The following SMAP1 variants were observed in gnomAD, a reference collection of about 807,000 sequenced individuals.
SMAP1 encodes the protein small ArfGAP 1, also known as stromal membrane-associated protein 1.
Under a neutral mutation model 58.5 loss-of-function variants are expected in SMAP1, and 24 were observed. The ratio of observed to expected loss-of-function variants is 0.41; its 90% CI spans 0.30 to 0.58. SMAP1 has a LOEUF of 0.58. Ranked by LOEUF, SMAP1 falls within the 20% of genes least tolerant of loss-of-function variation. The pLI, the probability that SMAP1 is intolerant of heterozygous loss-of-function variation, is 0.29. For missense variants in SMAP1, 563 were observed against 566.3 expected (o/e 0.99, Z 0.06); for synonymous variants, 216 against 196.6 (o/e 1.10, Z -0.82).
At chr6:70,683,022 G>C (rs1198029260) in intron 1 of SMAP1, among the ~76,000 whole-genome samples, 1 of 152,066 alleles carries the variant, frequency 6.6e-6, no homozygotes, top group Non-Finnish European at 1.5e-5. Context: ...TGGCGACAGA[G>C]TGAGACTCCA....
chr6:70,785,788 T>G (rs962779957), intron 4 of SMAP1, among the ~76,000 whole-genome samples: 3 of 152,138 alleles, frequency 2.0e-5, no homozygotes, highest in Non-Finnish European at 2.9e-5. Context: ...AATAACAGGC[T>G]CTGAAATTGT....
intron 5 of SMAP1, among the ~76,000 whole-genome samples, chr6:70,795,741 CT>C (rs756434039): frequency 1.7e-3 from 245 of 144,330 alleles, no homozygotes; most frequent in Non-Finnish European, 1.5e-3. Context: ...TTTTCTTTTT[CT>C]TTTTTTTTTT....
intron 3 of SMAP1, among the ~76,000 whole-genome samples, chr6:70,758,156 G>A (rs960951924): frequency 6.6e-6 from 1 of 150,436 alleles, no homozygotes; most frequent in South Asian, 2.1e-4. Flanking sequence ...TTAAGAAAAT[G>A]TGGCACATAT....
intron 2 of SMAP1, among the ~76,000 whole-genome samples, chr6:70,746,953 A>C (rs960486994): frequency 6.6e-6 from 1 of 152,220 alleles, no homozygotes; most frequent in Non-Finnish European, 1.5e-5. Context: ...CCTATAGAGT[A>C]CAGGAAGTTG....
chr6:70,724,148 T>G (rs192037642), intron 1 of SMAP1, among the ~76,000 whole-genome samples: 25 of 151,396 alleles, frequency 1.7e-4, no homozygotes, highest in Middle Eastern at 6.8e-3. Flanking sequence ...AGGTTTTTTT[T>G]TTGTTGTTGT....
At chr6:70,717,175 G>A (rs1004839102) in intron 1 of SMAP1, among the ~76,000 whole-genome samples, 1 of 152,216 alleles carries the variant, frequency 6.6e-6, no homozygotes, top group Admixed American at 6.5e-5. Context: ...TGGTGTGTTA[G>A]AAGTGTGTTG....
intron 6 of SMAP1, among the ~76,000 whole-genome samples, chr6:70,808,934 G>C (rs1769268108): frequency 6.7e-6 from 1 of 148,894 alleles, no homozygotes; most frequent in African/African-American, 2.5e-5. Context: ...GTGTGTGTGT[G>C]TGTGTGTACA....
At chr6:70,704,712 A>G (rs926513816) in intron 1 of SMAP1, among the ~76,000 whole-genome samples, 3 of 152,174 alleles carry the variant, frequency 2.0e-5, no homozygotes, top group Admixed American at 6.5e-5. Context: ...TACTGATATC[A>G]AAGACATTAA....
intron 1 of SMAP1, among the ~76,000 whole-genome samples, chr6:70,681,149 T>C (rs1047972411): frequency 5.3e-5 from 8 of 151,408 alleles, no homozygotes; most frequent in African/African-American, 1.9e-4. Context: ...CTAGGAATGG[T>C]GGCTCACACC....
At chr6:70,841,668 T>G (rs1042027679) in intron 7 of SMAP1, among the ~76,000 whole-genome samples, 1 of 152,152 alleles carries the variant, frequency 6.6e-6, no homozygotes, top group African/African-American at 2.4e-5. Context: ...TTTTCTTAAT[T>G]GAAACACTCA....
At chr6:70,797,454 C>T (rs1582208002) in intron 5 of SMAP1, among the ~76,000 whole-genome samples, 2 of 152,050 alleles carry the variant, frequency 1.3e-5, no homozygotes, top group African/African-American at 4.8e-5. Flanking sequence ...ATCCCTTCTC[C>T]TTAAAGGTAA....
rs769149971 is a variant in SMAP1 at position 70,668,010 on chromosome 6, G to C, written c.-14G>C. 4.1e-5 allele frequency: 64 copies of C among 1,576,838 alleles called. No individual in the cohort carries two copies. The highest frequency in any genetic ancestry group is 5.5e-5 in the Non-Finnish European group (64 of 1,163,476). On this transcript the variant is annotated 5_prime_UTR_variant, in exon 1 of 11. Transcript: ENST00000370455. ...CCGCCGTAGCTGCCCCAGGCTCCCC[G>C]CCCCGCTGCCGAGATGGCGACGCGC...
intron 3 of SMAP1, among the ~76,000 whole-genome samples, chr6:70,757,739 C>T (rs1426364026): frequency 6.6e-6 from 1 of 152,158 alleles, no homozygotes. Context: ...CAAAAGAAGA[C>T]ATCTATGCAG....
intron 3 of SMAP1, among the ~76,000 whole-genome samples, chr6:70,758,708 A>T (rs1766620592): frequency 6.6e-6 from 1 of 152,058 alleles, no homozygotes; most frequent in Admixed American, 6.6e-5. Context: ...AGATAGTGGC[A>T]TTGGGAATGG....
intron 3 of SMAP1, among the ~76,000 whole-genome samples, chr6:70,756,685 T>A (rs533177334): frequency 6.6e-6 from 1 of 151,942 alleles, no homozygotes; most frequent in African/African-American, 2.4e-5. Flanking sequence ...AAGGATTTTG[T>A]CAATGTACAA....
chr6:70,732,001 A>AT (rs1192706909), intron 1 of SMAP1, among the ~76,000 whole-genome samples: 2 of 151,482 alleles, frequency 1.3e-5, no homozygotes, highest in African/African-American at 4.9e-5. Context: ...AATGTCTTTG[A>AT]TTTTTTATTT....
intron 1 of SMAP1, among the ~76,000 whole-genome samples, chr6:70,682,130 G>A (rs115443552): frequency 0.012 from 1,718 of 148,426 alleles, 37 homozygotes; most frequent in African/African-American, 0.041. Context: ...AATAAGGATA[G>A]TGGGACATCA....
chr6:70,821,851 TG>T (rs1769905488), intron 6 of SMAP1, among the ~76,000 whole-genome samples: 1 of 152,174 alleles, frequency 6.6e-6, no homozygotes, highest in Non-Finnish European at 1.5e-5. Flanking sequence ...ATGTGTAGGT[TG>T]TAGCAGAAAA....
At chr6:70,704,956 T>C (rs1297709272) in intron 1 of SMAP1, among the ~76,000 whole-genome samples, 2 of 152,208 alleles carry the variant, frequency 1.3e-5, no homozygotes, top group Non-Finnish European at 2.9e-5. Flanking sequence ...AAGACAAATA[T>C]CTAACTTGTT....
Sources: allele counts gnomAD v4.1 joint callset (sites outside exome capture counted in the v4.1 genomes callset), GRCh38; gene constraint gnomAD v4.1.1; transcripts MANE v1.5; gene names NCBI Gene and HGNC (gene_info 2026-07-23, HGNC 2026-07-21).